ITPRIPL2: variants seen among roughly 807,000 people sequenced by gnomAD.
ITPRIPL2 encodes the protein ITPRIP like 2.
Under a neutral mutation model 31.7 loss-of-function variants are expected in ITPRIPL2, and 29 were observed. The observed-to-expected ratio is 0.91, with a 90% CI of 0.68 to 1.25. The LOEUF is 1.25. Ranked by LOEUF, ITPRIPL2 falls within the 50% of genes most tolerant of loss-of-function variation. ITPRIPL2 has a pLI of 0.00. For synonymous variants in ITPRIPL2, 344 were observed against 343.4 expected (o/e 1.00, Z -0.02); for missense variants, 696 against 739.1 (o/e 0.94, Z 0.68).
chr16:19,114,926 C>T lies in ITPRIPL2; in HGVS notation c.465C>T (p.Asp155=), dbSNP rs1963415774. ...CGCTGGCCTTGGCCTTCCGCGGAGACTTCATCCAGGTGGGCAGCGCCTACG... is the reference window on the plus strand; with the variant it reads ...CGCTGGCCTTGGCCTTCCGCGGAGATTTCATCCAGGTGGGCAGCGCCTACG... ...GGALALAFRG[D]FIQVGSAYEQ... Residue 155 remains aspartate (D), a synonymous_variant, in exon 1 of 1, where the codon GAC becomes GAT. Coordinates refer to ENST00000381440, the MANE Select transcript of ITPRIPL2 (RefSeq NM_001034841.4). The T allele has an allele frequency of 1.2e-6, 2 of 1,609,896 alleles. No homozygotes were observed. The highest frequency in any genetic ancestry group is 3.3e-5 in the Admixed American group (2 of 59,972).
Position 19,114,268 on chromosome 16 carries a change from TGGAA to T in ITPRIPL2, c.-189_-186del. The T allele has an allele frequency of 5.2e-6, 2 of 383,440 alleles. No homozygotes were observed. Among genetic ancestry groups the T allele is most frequent in the Non-Finnish European group, 9.1e-6 (2 of 219,046 alleles). 23.8% of individuals were successfully genotyped at this position (383,440 alleles called of 1,614,324 possible). A position where few individuals can be genotyped will look rare whatever the true frequency, so the allele number is the denominator to read the frequency against. On this transcript the variant is annotated 5_prime_UTR_variant, in exon 1 of 1. Transcript: ENST00000381440. ...CCGAGAGCGCAGGGCGGGCCGCAGCTGGAAGGAACACTTGAGCTGGGAGAGGAGG... is the reference window on the plus strand; with the variant it reads ...CCGAGAGCGCAGGGCGGGCCGCAGCTGGAACACTTGAGCTGGGAGAGGAGG...
chr16:19,116,076 A>G lies in ITPRIPL2; in HGVS notation c.*7A>G. 6.4e-7 allele frequency: 1 copy of G among 1,567,298 alleles called. No homozygotes were observed. Among genetic ancestry groups the G allele is most frequent in the East Asian group, 2.3e-5 (1 of 44,280 alleles). ...CCTTGAAGGTGAACCGTAAACCCTG[A>G]CAGCACCCCCACCTGACCAAATGCT... On this transcript the variant is annotated 3_prime_UTR_variant, in exon 1 of 1. Transcript: ENST00000381440.
rs776229755 is a variant in ITPRIPL2, at chr16:19,115,654, G to A, written c.1193G>A (p.Trp398Ter). The A allele has an allele frequency of 8.1e-6, 13 of 1,611,208 alleles. No homozygotes were observed. The highest frequency in any genetic ancestry group is 1.3e-5 in the African/African-American group (1 of 74,932). The change falls in exon 1 of 1, where the codon TGG becomes TAG. Residue 398 changes from tryptophan to a stop codon, truncating the protein, a stop_gained. Transcript: ENST00000381440. LOFTEE classifies it high-confidence loss of function. ...CTGGACTCAGCGGCCGCCACCCAGT[G>A]GGGACGCATCCTATCCTCATATGTG... ...RGLDSAAATQ[W>*]GRILSSYVLK...
In ITPRIPL2 at chr16:19,116,182, T is replaced by C; in HGVS notation, c.*113T>C. ...CAAGATTGCAGAAGGCATTGGAAAA[T>C]TTGGTGGCTGCCACAAGCTTTAGTG... On this transcript the variant is annotated 3_prime_UTR_variant, in exon 1 of 1. Transcript: ENST00000381440. The C allele has an allele frequency of 8.9e-7, 1 of 1,117,550 alleles. No homozygotes were observed. The highest frequency in any genetic ancestry group is 1.3e-6 in the Non-Finnish European group (1 of 781,616). 69.2% of individuals were successfully genotyped at this position (1,117,550 alleles called of 1,614,324 possible).
Position 19,116,227 on chromosome 16 carries a change from G to A in ITPRIPL2, c.*158G>A, listed in dbSNP as rs141264892. On this transcript the variant is annotated 3_prime_UTR_variant, in exon 1 of 1. Coordinates refer to ENST00000381440, the MANE Select transcript of ITPRIPL2 (RefSeq NM_001034841.4). ...TTAGTGGCTTAAATATCACCTTCTC[G>A]CTTCACAGTCCAGTATAATATGACA... 7.1e-4 allele frequency: 482 copies of A among 676,568 alleles called. 2 individuals carry two copies. In the East Asian group the frequency reaches 0.011, roughly 16 times the overall value. 41.9% of individuals were successfully genotyped at this position (676,568 alleles called of 1,614,324 possible). A position where few individuals can be genotyped will look rare whatever the true frequency, so the allele number is the denominator to read the frequency against.
At position 19,114,703 on chromosome 16, in the gene ITPRIPL2, T is replaced by C; in HGVS notation, c.242T>C (p.Leu81Pro). 6.2e-7 allele frequency: 1 copy of C among 1,612,700 alleles called. No individual in the cohort carries two copies. Among genetic ancestry groups the C allele is most frequent in the Non-Finnish European group, 8.5e-7 (1 of 1,179,854 alleles). Residue 81 changes from leucine (L) to proline (P), a missense_variant, in exon 1 of 1, where the codon CTG (leucine) becomes CCG (proline). By Grantham distance (98) the Leu-to-Pro change is moderately conservative. Transcript: ENST00000381440. ...RQRFLPGSPR[L>P]EGHAAFSSRH... is the part of the protein sequence containing the mutation. The stretch of plus-strand genomic sequence containing the variant: ...CGCTTCCTGCCCGGGTCTCCCCGTC[T>C]GGAGGGTCACGCCGCCTTCTCCTCG...
In ITPRIPL2 at chr16:19,114,194, C is replaced by A. The variant is rs907932758; in HGVS notation, c.-268C>A. The A allele has an allele frequency of 9.2e-6, 3 of 325,614 alleles. No homozygotes were observed. The highest frequency in any genetic ancestry group is 6.5e-5 in the African/African-American group (3 of 45,842). 20.2% of individuals were successfully genotyped at this position (325,614 alleles called of 1,614,324 possible). A position where few individuals can be genotyped will look rare whatever the true frequency, so the allele number is the denominator to read the frequency against. The stretch of plus-strand genomic sequence containing the variant: ...GCGCGGGGGCGCCGGGCGGGGAGGG[C>A]CGCTGGGCCGGACTCAGCGCGCAGC... On this transcript the variant is annotated 5_prime_UTR_variant, in exon 1 of 1. Transcript: ENST00000381440.
Position 19,115,504 on chromosome 16 carries a change from G to T in ITPRIPL2, c.1043G>T (p.Gly348Val). The part of the protein sequence containing the change: ...PEGLRAEALW[G>V]VNTARQEQKL... ...GGCCTGCGTGCGGAGGCACTGTGGGGTGTGAACACAGCACGCCAGGAGCAG... is the reference window on the plus strand; with the variant it reads ...GGCCTGCGTGCGGAGGCACTGTGGGTTGTGAACACAGCACGCCAGGAGCAG... The change falls in exon 1 of 1, where the codon GGT becomes GTT. Residue 348 changes from glycine to valine, a missense_variant. Gly to Val is a moderately radical substitution (Grantham distance 109). Transcript: ENST00000381440. 1 of 1,605,570 alleles carries T rather than the reference G, an allele frequency of 6.2e-7. No homozygotes were observed. The highest frequency in any genetic ancestry group is 8.5e-7 in the Non-Finnish European group (1 of 1,179,532).
At position 19,120,041 on chromosome 16, in the gene ITPRIPL2, G is replaced by T. The variant is rs569251395; in HGVS notation, c.*3972G>T. 1 of 167,038 alleles carries T rather than the reference G, an allele frequency of 6.0e-6. No individual in the cohort carries two copies. The highest frequency in any genetic ancestry group is 1.5e-5 in the Non-Finnish European group (1 of 68,128). 10.3% of individuals were successfully genotyped at this position (167,038 alleles called of 1,614,324 possible). ...ATTGGTGGCTAGATTTGGGGTGCAAGCTTCTTAGGCTCATACCATTTCAAC... is the reference window on the plus strand; with the variant it reads ...ATTGGTGGCTAGATTTGGGGTGCAATCTTCTTAGGCTCATACCATTTCAAC... On this transcript the variant is annotated 3_prime_UTR_variant, in exon 1 of 1. Coordinates refer to ENST00000381440, the MANE Select transcript of ITPRIPL2 (RefSeq NM_001034841.4).
In ITPRIPL2 at chr16:19,120,589, AC is replaced by A. The variant is rs1483621735; in HGVS notation, c.*4522del. On this transcript the variant is annotated 3_prime_UTR_variant, in exon 1 of 1. Transcript: ENST00000381440. Reference sequence around the variant, plus strand: ...GTAGCTGGGATTACAGGCACCTGCCACCACGCCTGGCTAATATATATATATA... The same window carrying A: ...GTAGCTGGGATTACAGGCACCTGCCACACGCCTGGCTAATATATATATATA... The A allele has an allele frequency of 7.2e-6, 1 of 138,756 alleles. No individual in the cohort carries two copies. Among genetic ancestry groups the A allele is most frequent in the East Asian group, 2.0e-4 (1 of 4,898 alleles). 8.6% of individuals were successfully genotyped at this position (138,756 alleles called of 1,614,324 possible). A position where few individuals can be genotyped will look rare whatever the true frequency, so the allele number is the denominator to read the frequency against.
At position 19,121,002 on chromosome 16, in the gene ITPRIPL2, T is replaced by C. The variant is rs1963513115; in HGVS notation, c.*4933T>C. On this transcript the variant is annotated 3_prime_UTR_variant, in exon 1 of 1. Transcript: ENST00000381440. ...AACCTCGGTAACATTTCCAATGTCC[T>C]TCAAGAGGGAAACAAGTTCAGTGTT... 1 of 166,908 alleles carries C rather than the reference T, an allele frequency of 6.0e-6. No homozygotes were observed. The highest frequency in any genetic ancestry group is 2.4e-5 in the African/African-American group (1 of 41,432). 10.3% of individuals were successfully genotyped at this position (166,908 alleles called of 1,614,324 possible). A position where few individuals can be genotyped will look rare whatever the true frequency, so the allele number is the denominator to read the frequency against.
Position 19,114,879 on chromosome 16 carries a change from C to T in ITPRIPL2, c.418C>T (p.Pro140Ser), listed in dbSNP as rs1345559756. 1.9e-6 allele frequency: 3 copies of T among 1,607,046 alleles called. No homozygotes were observed. Among genetic ancestry groups the T allele is most frequent in the Middle Eastern group, 1.6e-4 (1 of 6,062 alleles). ...LVRAGRARGS[P>S]GLIPGGALAL... The stretch of plus-strand genomic sequence containing the variant: ...GCGGGCTGGCCGCGCCCGGGGGTCC[C>T]CCGGTCTCATTCCTGGGGGAGCGCT... Residue 140 changes from proline (P) to serine (S), a missense_variant, in exon 1 of 1, where the codon CCC becomes TCC. Physicochemically the swap from Pro to Ser is moderately conservative, Grantham distance 74. Transcript: ENST00000381440.
chr16:19,114,361 G>T lies in ITPRIPL2; in HGVS notation c.-101G>T. ...GAAGCCGCCGCGGAGGAGGAGACGG[G>T]GACAGCGGGGCTGCCCGGGCGCTGT... On this transcript the variant is annotated 5_prime_UTR_variant, in exon 1 of 1. Transcript: ENST00000381440. 1.1e-6 allele frequency: 1 copy of T among 941,930 alleles called. No individual in the cohort carries two copies. The highest frequency in any genetic ancestry group is 1.4e-6 in the Non-Finnish European group (1 of 719,942). The allele number at this position is 941,930 out of a possible 1,614,324, so 58.3% of individuals were successfully genotyped here. A position where few individuals can be genotyped will look rare whatever the true frequency, so the allele number is the denominator to read the frequency against.
Position 19,114,970 on chromosome 16 carries a change from G to T in ITPRIPL2, c.509G>T (p.Arg170Leu), listed in dbSNP as rs999860568. 6.2e-7 allele frequency: 1 copy of T among 1,603,540 alleles called. No homozygotes were observed. ...GSAYEQHKIR[R>L]PDSFDVLVPL... is the part of the protein sequence containing the mutation. ...GCCTACGAGCAACATAAAATCCGCC[G>T]GCCCGACAGCTTCGACGTGCTGGTG... is the stretch of plus-strand genomic sequence containing the variant. The change falls in exon 1 of 1, where the codon CGG becomes CTG. Residue 170 changes from arginine to leucine, a missense_variant. Arg to Leu is a moderately radical substitution (Grantham distance 102). Coordinates refer to ENST00000381440, the MANE Select transcript of ITPRIPL2 (RefSeq NM_001034841.4).
chr16:19,114,011 T>A lies in ITPRIPL2; in HGVS notation c.-451T>A, dbSNP rs780877305. On this transcript the variant is annotated 5_prime_UTR_variant, in exon 1 of 1. Transcript: ENST00000381440. The stretch of plus-strand genomic sequence containing the variant: ...CTCGGCTCCAGACTCCGGCATTTCC[T>A]CCCCGCTAGCTGGCGCGGCCTCGCC... The A allele has an allele frequency of 4.6e-5, 18 of 395,124 alleles. No homozygotes were observed. The highest frequency in any genetic ancestry group is 7.6e-5 in the Non-Finnish European group (17 of 223,932). 24.5% of individuals were successfully genotyped at this position (395,124 alleles called of 1,614,324 possible).
Position 19,121,456 on chromosome 16 carries a change from A to C in ITPRIPL2, c.*5387A>C. On this transcript the variant is annotated 3_prime_UTR_variant, in exon 1 of 1. Coordinates refer to ENST00000381440, the MANE Select transcript of ITPRIPL2 (RefSeq NM_001034841.4). ...AATCAGATATGGTTCAGCTGCTACA[A>C]TTGTATGATTCAAAGGCAATTTAAT... 1 of 167,158 alleles carries C rather than the reference A, an allele frequency of 6.0e-6. No homozygotes were observed. The allele number at this position is 167,158 out of a possible 1,614,324, so 10.4% of individuals were successfully genotyped here.
chr16:19,115,619 G>T lies in ITPRIPL2; in HGVS notation c.1158G>T (p.Gly386=). The T allele has an allele frequency of 6.2e-7, 1 of 1,608,848 alleles. No homozygotes were observed. The highest frequency in any genetic ancestry group is 8.5e-7 in the Non-Finnish European group (1 of 1,179,032). Residue 386 remains glycine, a synonymous_variant, in exon 1 of 1, where the codon GGG becomes GGT. Transcript: ENST00000381440. ...LQLLKALRDL[G]ARGLDSAAAT... is the part of the protein sequence containing the mutation. ...TGCTTAAGGCTCTGCGCGATCTGGG[G>T]GCCCGTGGGCTGGACTCAGCGGCCG... is the stretch of plus-strand genomic sequence containing the variant.
chr16:19,115,159 C>T lies in ITPRIPL2; in HGVS notation c.698C>T (p.Ala233Val). 6.2e-7 allele frequency: 1 copy of T among 1,604,894 alleles called. No homozygotes were observed. The highest frequency in any genetic ancestry group is 2.2e-5 in the East Asian group (1 of 44,866). The change falls in exon 1 of 1, where the codon GCT becomes GTT. Residue 233 changes from alanine (A) to valine (V), a missense_variant. Transcript: ENST00000381440. The part of the protein sequence containing the change: ...GHWLRDCKPF[A>V]DAFCVDVRGR... ...TGGCTTCGGGACTGCAAACCCTTTG[C>T]TGATGCCTTCTGCGTGGATGTGCGC...
Position 19,120,280 on chromosome 16 carries a change from C to T in ITPRIPL2, c.*4211C>T, listed in dbSNP as rs1019538923. ...AATTATTTGTAGAGTCAGGGTCTCC[C>T]TATGTTGCCCAGGCTGGTCTTGAAC... is the stretch of plus-strand genomic sequence containing the variant. On this transcript the variant is annotated 3_prime_UTR_variant, in exon 1 of 1. Transcript: ENST00000381440. The T allele has an allele frequency of 1.3e-5, 2 of 155,008 alleles. No individual in the cohort carries two copies. Among genetic ancestry groups the T allele is most frequent in the African/African-American group, 4.8e-5 (2 of 41,276 alleles). The allele number at this position is 155,008 out of a possible 1,614,324, so 9.6% of individuals were successfully genotyped here.
Sources: allele counts gnomAD v4.1 joint callset, GRCh38; gene constraint gnomAD v4.1.1; transcripts MANE v1.5; gene names NCBI Gene and HGNC (gene_info 2026-07-23, HGNC 2026-07-21).